TJP3: variants seen among roughly 807,000 people sequenced by gnomAD.
The protein encoded by TJP3 is tight junction protein 3.
Under a neutral mutation model 104.2 loss-of-function variants are expected in TJP3, and 85 were observed. That is an observed-to-expected ratio of 0.82 (90% CI 0.68 to 0.98). TJP3 has a LOEUF of 0.98. Ranked by LOEUF, TJP3 falls within the 50% of genes least tolerant of loss-of-function variation. The pLI, the probability that TJP3 is intolerant of heterozygous loss-of-function variation, is 0.00. For synonymous variants in TJP3, 550 were observed against 550.6 expected, an observed-to-expected ratio of 1.00 and a Z score of 0.02; for missense variants, 1,367 against 1,322.8, an observed-to-expected ratio of 1.03 and a Z score of -0.52.
At chr19:3,736,061 G>A (rs1190119839) in intron 10 of TJP3, 104 bp from the exon 11 acceptor site, 1 of 1,575,818 alleles carries the variant, frequency 6.3e-7, no homozygotes, top group African/African-American at 1.4e-5. Flanking sequence ...GGGGTTTTGG[G>A]GAAACTGAGG....
In TJP3 at chr19:3,724,289, A is replaced by G. The variant is rs566911954; in HGVS notation, c.-9-4135A>G. Among the ~76,000 whole-genome samples, 124 of 149,978 alleles carry G rather than the reference A, an allele frequency of 8.3e-4. 1 individual carries two copies. The highest frequency in any genetic ancestry group is 2.0e-3 in the African/African-American group (80 of 40,810). ...TGGCTCACTGCAAGCTCCGCCTCCC[A>G]GGTTCACGCCATTCTCCTGCCTCAG... is the stretch of plus-strand genomic sequence containing the variant. On this transcript the variant is annotated intron_variant, in intron 1 of 20. Coordinates refer to ENST00000541714, the MANE Select transcript of TJP3 (RefSeq NM_001267560.2).
intron 1 of TJP3, among the ~76,000 whole-genome samples, chr19:3,716,429 G>A (rs2036477579): frequency 6.7e-6 from 1 of 148,298 alleles, no homozygotes; most frequent in Admixed American, 6.8e-5. Flanking sequence ...TCTGGTGAGA[G>A]GCACTGGCTT....
intron 1 of TJP3, among the ~76,000 whole-genome samples, chr19:3,723,622 C>A (rs1440588210): frequency 6.6e-6 from 1 of 151,514 alleles, no homozygotes; most frequent in East Asian, 1.9e-4. Context: ...TGAACCCCCA[C>A]CTCTACTAAA....
chr19:3,725,694 C>CAA (rs11412351), intron 1 of TJP3, among the ~76,000 whole-genome samples: 1,472 of 119,086 alleles, frequency 0.012, 25 homozygotes, highest in African/African-American at 0.037. Context: ...AACCCCATCT[C>CAA]AAAAAAAAAA....
chr19:3,721,017 C>T (rs2036537283), intron 1 of TJP3, among the ~76,000 whole-genome samples: 1 of 150,958 alleles, frequency 6.6e-6, no homozygotes. Flanking sequence ...AACCGATTCT[C>T]CTTCCTCAGC....
At chr19:3,748,124 G>A in intron 19 of TJP3, 43 bp downstream of exon 19, 5 of 1,504,020 alleles carry the variant, frequency 3.3e-6, no homozygotes, top group Non-Finnish European at 3.6e-6. Context: ...GGTCTCCGGA[G>A]GGGATGCCAG....
intron 1 of TJP3, among the ~76,000 whole-genome samples, chr19:3,724,155 C>T (rs1202961045): frequency 6.6e-6 from 1 of 151,804 alleles, no homozygotes; most frequent in South Asian, 2.1e-4. Flanking sequence ...CTCCCTCGCC[C>T]CTCTCCCACT....
In TJP3 at chr19:3,735,592, G is replaced by A; in HGVS notation, c.1013G>A (p.Ser338Asn). Reference sequence around the variant, plus strand: ...GAGAGTCCCCGGCTTCGGCGGGAAAGTTCAGTAGATTCCAGAACCATCTCG... The same window carrying A: ...GAGAGTCCCCGGCTTCGGCGGGAAAATTCAGTAGATTCCAGAACCATCTCG... Reference protein sequence around the residue: ...PVESPRLRRESSVDSRTISEP... With the variant: ...PVESPRLRRENSVDSRTISEP... The change falls in exon 9 of 21, where the codon AGT becomes AAT. Residue 338 changes from serine to asparagine, a missense_variant. Transcript: ENST00000541714. 6.2e-7 allele frequency: 1 copy of A among 1,614,220 alleles called. No homozygotes were observed.
In TJP3 at chr19:3,730,248, T is replaced by C. The variant is rs1028011682; in HGVS notation, c.262-107T>C. ...ATCTTCTCATCTTACAGTTTGGACA[T>C]TGAGGCCCAGAGAGAGACTGGTGTC... On this transcript the variant is annotated intron_variant, in intron 4 of 20. Transcript: ENST00000541714. This position sits in a 1 kb window ranked among gnomAD's most constrained non-coding sequence, Gnocchi z 7.3. 4.7e-6 allele frequency: 7 copies of C among 1,489,734 alleles called. No individual in the cohort carries two copies. The highest frequency in any genetic ancestry group is 2.4e-5 in the South Asian group (2 of 83,730). 92.3% of individuals were successfully genotyped at this position (1,489,734 alleles called of 1,614,324 possible). A position where few individuals can be genotyped will look rare whatever the true frequency, so the allele number is the denominator to read the frequency against.
At position 3,731,980 on chromosome 19, in the gene TJP3, C is replaced by A. The variant is rs1161218619; in HGVS notation, c.659C>A (p.Thr220Lys). 2 of 1,613,654 alleles carry A rather than the reference C, an allele frequency of 1.2e-6. No individual in the cohort carries two copies. Among genetic ancestry groups the A allele is most frequent in the Admixed American group, 1.7e-5 (1 of 59,972 alleles). ...LGSQIFIKHI[T>K]DSGLAARHRG... ...AGTCAGATCTTCATCAAGCACATTA[C>A]AGATTCGGGCCTGGCTGCCCGGCAC... is the stretch of plus-strand genomic sequence containing the variant. The change falls in exon 6 of 21, where the codon ACA (threonine) becomes AAA (lysine). Residue 220 changes from threonine (T) to lysine (K), a missense_variant. Thr to Lys is a moderately conservative substitution (Grantham distance 78). Coordinates refer to ENST00000541714, the MANE Select transcript of TJP3 (RefSeq NM_001267560.2).
intron 11 of TJP3, among the ~76,000 whole-genome samples, 174 bp downstream of exon 11, chr19:3,736,495 C>G (rs578106816): frequency 6.6e-6 from 1 of 152,288 alleles, no homozygotes; most frequent in African/African-American, 2.4e-5. Context: ...GCTGATGTCA[C>G]GACCTTATCT....
chr19:3,742,552 C>T (rs1160147385), intron 14 of TJP3, among the ~76,000 whole-genome samples: 1 of 147,490 alleles, frequency 6.8e-6, no homozygotes, highest in Non-Finnish European at 1.5e-5. Flanking sequence ...GTGGGAAGAG[C>T]AAATTGCCCG....
intron 1 of TJP3, among the ~76,000 whole-genome samples, chr19:3,718,071 G>C (rs993214222): frequency 6.6e-6 from 1 of 151,440 alleles, no homozygotes; most frequent in Non-Finnish European, 1.5e-5. Context: ...AAAATCAGCC[G>C]GGCATGTGCC....
intron 1 of TJP3, chr19:3,721,898 G>A (rs2036545732): frequency 9.8e-6 from 12 of 1,229,744 alleles, no homozygotes; most frequent in African/African-American, 9.3e-5. Flanking sequence ...GGACCATGGC[G>A]GTGAGATTCC....
intron 1 of TJP3, among the ~76,000 whole-genome samples, chr19:3,725,986 C>T (rs1361014724): frequency 6.6e-6 from 1 of 152,232 alleles, no homozygotes; most frequent in Non-Finnish European, 1.5e-5. Context: ...CTCTCCCCTC[C>T]ACCCGCCTTC....
rs957434460 is a variant in TJP3 at position 3,746,336 on chromosome 19, C to T, written c.2011-149C>T. The T allele has an allele frequency of 1.1e-6, 1 of 877,424 alleles. No individual in the cohort carries two copies. Among genetic ancestry groups the T allele is most frequent in the Non-Finnish European group, 1.7e-6 (1 of 576,774 alleles). The allele number at this position is 877,424 out of a possible 1,614,324, so 54.4% of individuals were successfully genotyped here. On this transcript the variant is annotated intron_variant, in intron 16 of 20. Coordinates refer to ENST00000541714, the MANE Select transcript of TJP3 (RefSeq NM_001267560.2). This position sits in a 1 kb window ranked among gnomAD's most constrained non-coding sequence, Gnocchi z 4.1. ...GATGCCCAAGATGCTGCGACCTGGG[C>T]TGTTACCACCCCCATCCCCAACTTG... is the stretch of plus-strand genomic sequence containing the variant.
chr19:3,731,818 G>A lies in TJP3; in HGVS notation c.614-117G>A, dbSNP rs983207810. On this transcript the variant is annotated intron_variant, in intron 5 of 20. Coordinates refer to ENST00000541714, the MANE Select transcript of TJP3 (RefSeq NM_001267560.2). ...CGGGCGACATCACTGTTCTCCTTAT[G>A]ATGCCATCAAGGTGTTAGGATGGGA... 7.1e-6 allele frequency: 5 copies of A among 708,248 alleles called. No homozygotes were observed. In the African/African-American group the frequency reaches 8.9e-5, roughly 13 times the overall value. 43.9% of individuals were successfully genotyped at this position (708,248 alleles called of 1,614,324 possible).
In TJP3 at chr19:3,736,161, G is replaced by T; in HGVS notation, c.1128-4G>T. 1 of 1,581,708 alleles carries T rather than the reference G, an allele frequency of 6.3e-7. No individual in the cohort carries two copies. Among genetic ancestry groups the T allele is most frequent in the South Asian group, 1.1e-5 (1 of 87,110 alleles). On this transcript the variant is annotated splice_region_variant and splice_polypyrimidine_tract_variant and intron_variant, in intron 10 of 20. Coordinates refer to ENST00000541714, the MANE Select transcript of TJP3 (RefSeq NM_001267560.2). ...TCTGACCCCATCTCTGCCTCCCCTTGCAGGTACAGCCCCGACACGCGTGTG... is the reference window on the plus strand; with the variant it reads ...TCTGACCCCATCTCTGCCTCCCCTTTCAGGTACAGCCCCGACACGCGTGTG...
intron 1 of TJP3, among the ~76,000 whole-genome samples, chr19:3,716,443 G>A (rs2036477668): frequency 6.7e-6 from 1 of 148,202 alleles, no homozygotes; most frequent in African/African-American, 2.4e-5. Context: ...CTGGCTTGGA[G>A]TTCGAGGTGC....
Sources: gnomAD v4.1 joint callset for allele counts (sites outside exome capture counted in the v4.1 genomes callset) on GRCh38, gnomAD v4.1.1 for gene constraint, Gnocchi (gnomAD v3.1) non-coding constraint, MANE v1.5 for transcripts, NCBI Gene and HGNC (gene_info 2026-07-23, HGNC 2026-07-21) for gene names.